ZFPM2: variants seen among roughly 807,000 people sequenced by gnomAD.
ZFPM2 encodes the protein zinc finger protein, FOG family member 2.
A neutral mutation model predicts 98.6 loss-of-function variants in ZFPM2; 20 were observed. That is an observed-to-expected ratio of 0.20 (90% CI 0.14 to 0.29). The LOEUF (loss-of-function observed/expected upper bound fraction) is 0.29. Among genes scored for constraint, ZFPM2 ranks in the 10% least tolerant of loss-of-function variants. ZFPM2 has a pLI of 1.00. For missense variants in ZFPM2, 1,310 were observed against 1,388.6 expected, an observed-to-expected ratio of 0.94 and a Z score of 0.90; for synonymous variants, 518 against 502.7, an observed-to-expected ratio of 1.03 and a Z score of -0.41.
intron 3 of ZFPM2, among the ~76,000 whole-genome samples, chr8:105,505,278 C>G (rs1206669378): frequency 6.6e-6 from 1 of 152,126 alleles, no homozygotes; most frequent in Non-Finnish European, 1.5e-5. Flanking sequence ...TAAATGGTTA[C>G]TAGTACTACT....
At chr8:105,383,448 T>C (rs1810926388) in intron 1 of ZFPM2, among the ~76,000 whole-genome samples, 1 of 152,176 alleles carries the variant, frequency 6.6e-6, no homozygotes, top group Admixed American at 6.6e-5. Context: ...AAATCTTATG[T>C]GGTGTATTAT....
At chr8:105,770,431 G>A (rs572240324) in intron 5 of ZFPM2, among the ~76,000 whole-genome samples, 1 of 152,250 alleles carries the variant, frequency 6.6e-6, no homozygotes, top group African/African-American at 2.4e-5. Flanking sequence ...ACAAAGTCAT[G>A]TGAGTTTATG....
chr8:105,481,410 A>G (rs1258447175), intron 3 of ZFPM2, among the ~76,000 whole-genome samples: 1 of 152,072 alleles, frequency 6.6e-6, no homozygotes, highest in African/African-American at 2.4e-5. Flanking sequence ...GCAGATGGCC[A>G]CCTTCTAGCT....
chr8:105,548,159 TTTGA>T (rs1032204354), intron 3 of ZFPM2, among the ~76,000 whole-genome samples: 1 of 152,056 alleles, frequency 6.6e-6, no homozygotes, highest in Non-Finnish European at 1.5e-5. Flanking sequence ...AAAGAAACTC[TTTGA>T]TTGTTAGGAA....
intron 3 of ZFPM2, among the ~76,000 whole-genome samples, chr8:105,550,803 A>G (rs992937818): frequency 6.6e-6 from 1 of 152,192 alleles, no homozygotes; most frequent in Non-Finnish European, 1.5e-5. Context: ...TGGGTACTTC[A>G]ATAAATACAC....
At chr8:105,625,299 T>C (rs188630566) in intron 4 of ZFPM2, among the ~76,000 whole-genome samples, 338 of 152,264 alleles carry the variant, frequency 2.2e-3, no homozygotes, top group Non-Finnish European at 4.3e-3. Flanking sequence ...TGAGTTTTGT[T>C]ATTTCCCAAA....
chr8:105,347,469 C>A (rs12675496), intron 1 of ZFPM2, among the ~76,000 whole-genome samples: 59 of 152,220 alleles, frequency 3.9e-4, no homozygotes, highest in East Asian at 2.3e-3. Flanking sequence ...TGTGAAAACT[C>A]AGACAAAGCC....
At position 105,798,462 on chromosome 8, in the gene ZFPM2, A is replaced by AAAAT. The variant is rs1428311590; in HGVS notation, c.740-258_740-255dup. The stretch of plus-strand genomic sequence containing the variant: ...GAGAATCTGTCGCAAAAAATAAAAT[A>AAAAT]AAATAAAATCAATATCTTGTGTTTT... On this transcript the variant is annotated intron_variant, in intron 6 of 7. Transcript: ENST00000407775. 4 of 347,736 alleles carry AAAAT rather than the reference A, an allele frequency of 1.2e-5. No individual in the cohort carries two copies. In the East Asian group the frequency reaches 1.9e-4, roughly 17 times the overall value. 21.5% of individuals were successfully genotyped at this position (347,736 alleles called of 1,614,324 possible).
intron 3 of ZFPM2, among the ~76,000 whole-genome samples, chr8:105,542,199 A>G (rs370690357): frequency 1.3e-5 from 2 of 152,174 alleles, no homozygotes; most frequent in Admixed American, 6.6e-5. Context: ...TTCTACAAAT[A>G]CGCAATACAT....
intron 5 of ZFPM2, among the ~76,000 whole-genome samples, chr8:105,784,031 CTT>C (rs554298495): frequency 5.9e-5 from 9 of 152,022 alleles, no homozygotes; most frequent in African/African-American, 2.2e-4. Flanking sequence ...CTTAACAACA[CTT>C]TTTTTTATAA....
rs568917571 is a variant in ZFPM2 at position 105,791,027 on chromosome 8, C to A, written c.739+2103C>A. 5.3e-5 allele frequency among the ~76,000 whole-genome samples: 8 copies of A among 152,284 alleles called. No individual in the cohort carries two copies. The East Asian group carries it at 1.5e-3, about 29-fold the overall frequency. On this transcript the variant is annotated intron_variant, in intron 6 of 7. Coordinates refer to ENST00000407775, the MANE Select transcript of ZFPM2 (RefSeq NM_012082.4). ...GGGTTTTCTAGATATACAATCATGT[C>A]GTCTGCAAACAGGGACAATTTGACT... is the stretch of plus-strand genomic sequence containing the variant.
chr8:105,681,815 C>T (rs991442793), intron 5 of ZFPM2, among the ~76,000 whole-genome samples: 6 of 152,084 alleles, frequency 3.9e-5, no homozygotes, highest in African/African-American at 1.4e-4. Context: ...TATAATTACT[C>T]TCTTGTGTGT....
At chr8:105,596,767 G>A (rs1335691582) in intron 4 of ZFPM2, among the ~76,000 whole-genome samples, 1 of 111,052 alleles carries the variant, frequency 9.0e-6, no homozygotes, top group Admixed American at 1.0e-4. Context: ...TTTTTTTAAT[G>A]AGTGATTATG....
chr8:105,352,349 A>G (rs998512891), intron 1 of ZFPM2, among the ~76,000 whole-genome samples: 7 of 152,196 alleles, frequency 4.6e-5, no homozygotes, highest in African/African-American at 1.7e-4. Flanking sequence ...TATTTAATAC[A>G]CAATAACAAT....
intron 1 of ZFPM2, among the ~76,000 whole-genome samples, chr8:105,393,647 G>A (rs1811162849): frequency 6.6e-6 from 1 of 152,076 alleles, no homozygotes; most frequent in South Asian, 2.1e-4. Flanking sequence ...TGCTGGCATA[G>A]TCTTGGGTGG....
chr8:105,461,854 A>G (rs1812709884), intron 3 of ZFPM2, among the ~76,000 whole-genome samples: 1 of 152,164 alleles, frequency 6.6e-6, no homozygotes. Flanking sequence ...ACTTGCCTAA[A>G]ATCACACAGC....
intron 3 of ZFPM2, among the ~76,000 whole-genome samples, chr8:105,444,884 T>C (rs909593891): frequency 1.3e-5 from 2 of 152,146 alleles, no homozygotes; most frequent in African/African-American, 4.8e-5. Flanking sequence ...ATTTTAATGA[T>C]CTTGACATTT....
intron 4 of ZFPM2, among the ~76,000 whole-genome samples, chr8:105,614,071 C>T (rs1233402470): frequency 1.3e-5 from 2 of 152,094 alleles, no homozygotes; most frequent in Non-Finnish European, 2.9e-5. Context: ...AAATTTGCCA[C>T]TTGCCATTAA....
rs573105308 is a variant in ZFPM2, at chr8:105,659,668, G to T, written c.532+25311G>T. On this transcript the variant is annotated intron_variant, in intron 5 of 7. Coordinates refer to ENST00000407775, the MANE Select transcript of ZFPM2 (RefSeq NM_012082.4). ...AAATACATTTAAAGCTCTCACTAAA[G>T]AATAGAAGAACTCAGACCCAAAATT... is the stretch of plus-strand genomic sequence containing the variant. Among the ~76,000 whole-genome samples the T allele has an allele frequency of 2.0e-5, 3 of 152,200 alleles. No homozygotes were observed. The South Asian group carries it at 6.2e-4, about 32-fold the overall frequency.
Sources: gnomAD v4.1 joint callset for allele counts (sites outside exome capture counted in the v4.1 genomes callset) on GRCh38, gnomAD v4.1.1 for gene constraint, MANE v1.5 for transcripts, NCBI Gene and HGNC (gene_info 2026-07-23, HGNC 2026-07-21) for gene names.